Variants in CNTN5 observed in about 807,000 individuals in gnomAD.
CNTN5 encodes the protein contactin-5.
In CNTN5, 77 loss-of-function variants were observed where a neutral mutation model predicts 129.1. The observed-to-expected ratio is 0.60, with a 90% CI of 0.50 to 0.72. CNTN5 has a LOEUF of 0.72. CNTN5 is among the 30% of genes least tolerant of loss of function. The probability of loss-of-function intolerance (pLI) is 0.00; values close to 1 mark genes in which losing one functional copy is unlikely to be tolerated. For synonymous variants in CNTN5, 509 were observed against 465.6 expected (o/e 1.09, Z -1.20); for missense variants, 1,478 against 1,328.8 (o/e 1.11, Z -1.75).
chr11:99,229,433 T>C lies in CNTN5; in HGVS notation c.-209-95913T>C, dbSNP rs192768596. 4.3e-3 allele frequency among the ~76,000 whole-genome samples: 654 copies of C among 151,658 alleles called. 4 individuals carry two copies. Among genetic ancestry groups the C allele is most frequent in the African/African-American group, 0.015 (619 of 41,390 alleles). On this transcript the variant is annotated intron_variant, in intron 1 of 24. Coordinates refer to ENST00000524871, the MANE Select transcript of CNTN5 (RefSeq NM_014361.4). Reference sequence around the variant, plus strand: ...AGCTTTTTTTATTGCCTTACTTAATTGGTAGTCTCTTTACCTCAGTCGTGA... The same window carrying C: ...AGCTTTTTTTATTGCCTTACTTAATCGGTAGTCTCTTTACCTCAGTCGTGA...
intron 4 of CNTN5, among the ~76,000 whole-genome samples, chr11:99,828,974 T>C (rs569272249): frequency 6.6e-6 from 1 of 152,304 alleles, no homozygotes; most frequent in East Asian, 1.9e-4. Context: ...GATTTCACTT[T>C]ATTATTTATC....
At chr11:99,375,075 G>T (rs1475960170) in intron 2 of CNTN5, among the ~76,000 whole-genome samples, 1 of 152,106 alleles carries the variant, frequency 6.6e-6, no homozygotes, top group Non-Finnish European at 1.5e-5. Context: ...TGCCAAGGCG[G>T]GTGGATCACT....
chr11:100,147,079 T>TAA (rs1946874198), intron 13 of CNTN5, among the ~76,000 whole-genome samples: 1 of 152,102 alleles, frequency 6.6e-6, no homozygotes, highest in Admixed American at 6.6e-5. Context: ...CTCTACAGGA[T>TAA]AAAGTCCATA....
intron 9 of CNTN5, among the ~76,000 whole-genome samples, chr11:100,011,167 G>T (rs1224857222): frequency 6.6e-6 from 1 of 152,144 alleles, no homozygotes; most frequent in Non-Finnish European, 1.5e-5. Flanking sequence ...TTTTGGCCTT[G>T]AAAATTCTTA....
intron 2 of CNTN5, among the ~76,000 whole-genome samples, chr11:99,445,053 CATTTATAT>C (rs532730842): frequency 1.4e-3 from 214 of 147,978 alleles, no homozygotes; most frequent in African/African-American, 5.1e-3. Context: ...TTTATATATA[CATTTATAT>C]ATTTATATAT....
At chr11:99,177,076 G>T (rs1385874665) in intron 1 of CNTN5, among the ~76,000 whole-genome samples, 1 of 152,090 alleles carries the variant, frequency 6.6e-6, no homozygotes, top group South Asian at 2.1e-4. Context: ...TAGGGCATTT[G>T]CAACTCCCAG....
intron 9 of CNTN5, among the ~76,000 whole-genome samples, chr11:100,038,075 G>T (rs1655523526): frequency 6.6e-6 from 1 of 152,076 alleles, no homozygotes; most frequent in South Asian, 2.1e-4. Flanking sequence ...GTCAATTTTA[G>T]ATCTTTCCTG....
intron 6 of CNTN5, among the ~76,000 whole-genome samples, chr11:99,879,081 G>A (rs1948707472): frequency 6.6e-6 from 1 of 151,892 alleles, no homozygotes; most frequent in Non-Finnish European, 1.5e-5. Flanking sequence ...GGGATTACAA[G>A]CGCGTACCAC....
intron 1 of CNTN5, among the ~76,000 whole-genome samples, chr11:99,063,708 A>G (rs1180788389): frequency 2.6e-5 from 4 of 152,108 alleles, no homozygotes; most frequent in Non-Finnish European, 4.4e-5. Context: ...CTTTTAGACT[A>G]CAGTATACAT....
In CNTN5 at chr11:99,202,697, C is replaced by T. The variant is rs930274622; in HGVS notation, c.-209-122649C>T. Among the ~76,000 whole-genome samples the T allele has an allele frequency of 4.0e-5, 6 of 151,528 alleles. No individual in the cohort carries two copies. The East Asian group carries it at 5.8e-4, about 15-fold the overall frequency. Reference sequence around the variant, plus strand: ...CAGTACTTAAGAAACAATATAGAAACACAGTCCAAAAACAAAAACACTGTA... The same window carrying T: ...CAGTACTTAAGAAACAATATAGAAATACAGTCCAAAAACAAAAACACTGTA... On this transcript the variant is annotated intron_variant, in intron 1 of 24. Coordinates refer to ENST00000524871, the MANE Select transcript of CNTN5 (RefSeq NM_014361.4).
chr11:99,131,249 G>A (rs377744714), intron 1 of CNTN5, among the ~76,000 whole-genome samples: 301 of 67,132 alleles, frequency 4.5e-3, no homozygotes, highest in Middle Eastern at 0.016. Context: ...CTCCATCTCA[G>A]AAAAAAAAAA....
At chr11:99,973,860 C>T (rs1937746173) in intron 8 of CNTN5, among the ~76,000 whole-genome samples, 1 of 152,116 alleles carries the variant, frequency 6.6e-6, no homozygotes, top group African/African-American at 2.4e-5. Context: ...AGATATTTTG[C>T]ACATTTACCA....
chr11:100,207,001 G>A (rs183039360), intron 15 of CNTN5, among the ~76,000 whole-genome samples: 30 of 152,060 alleles, frequency 2.0e-4, no homozygotes, highest in Admixed American at 1.6e-3. Flanking sequence ...TCAATGTCAG[G>A]AAAAATGTGA....
rs1419404635 is a variant in CNTN5, at chr11:99,206,569, T to C, written c.-209-118777T>C. 4.4e-5 allele frequency among the ~76,000 whole-genome samples: 5 copies of C among 112,824 alleles called. No individual in the cohort carries two copies. The East Asian group carries it at 1.1e-3, about 25-fold the overall frequency. 74.0% of individuals were successfully genotyped at this position (112,824 alleles called of 152,430 possible). A position where few individuals can be genotyped will look rare whatever the true frequency, so the allele number is the denominator to read the frequency against. On this transcript the variant is annotated intron_variant, in intron 1 of 24. Transcript: ENST00000524871. ...TTTTCTCCTACTATTAGTGTGTTTG[T>C]GTATGTGTATGTGACTTTTTCCGGG...
At chr11:99,896,662 A>C (rs1949214998) in intron 6 of CNTN5, among the ~76,000 whole-genome samples, 1 of 152,064 alleles carries the variant, frequency 6.6e-6, no homozygotes, top group Non-Finnish European at 1.5e-5. Flanking sequence ...GCTTCCATTG[A>C]TTCTGCCCCT....
chr11:100,305,946 C>CT (rs986917772), intron 20 of CNTN5, among the ~76,000 whole-genome samples: 2 of 135,518 alleles, frequency 1.5e-5, no homozygotes, highest in Non-Finnish European at 3.1e-5. Flanking sequence ...AGCTGATTAG[C>CT]TAAAAAAAAA....
In CNTN5 at chr11:99,704,039, A is replaced by G. The variant is rs955595912; in HGVS notation, c.56-115505A>G. Among the ~76,000 whole-genome samples the G allele has an allele frequency of 5.3e-5, 8 of 149,824 alleles. No homozygotes were observed. In the East Asian group the frequency reaches 1.0e-3, roughly 19 times the overall value. On this transcript the variant is annotated intron_variant, in intron 3 of 24. Transcript: ENST00000524871. ...ATAAATGAAGGCAATAAATAATTAT[A>G]TGTGTGTATATATATATATGTGTGT...
At chr11:99,890,013 T>G (rs1003610618) in intron 6 of CNTN5, among the ~76,000 whole-genome samples, 1 of 152,244 alleles carries the variant, frequency 6.6e-6, no homozygotes, top group African/African-American at 2.4e-5. Flanking sequence ...ATTAGAGATC[T>G]TAGTTAATCA....
intron 3 of CNTN5, among the ~76,000 whole-genome samples, chr11:99,719,040 C>T (rs148705255): frequency 1.9e-4 from 29 of 152,108 alleles, no homozygotes; most frequent in Middle Eastern, 6.8e-3. Flanking sequence ...TAACAGAGAG[C>T]GGGTGTGGTG....
Sources: gnomAD v4.1 joint callset for allele counts (sites outside exome capture counted in the v4.1 genomes callset) on GRCh38, gnomAD v4.1.1 for gene constraint, MANE v1.5 for transcripts, NCBI Gene and HGNC (gene_info 2026-07-23, HGNC 2026-07-21) for gene names.